Variants in SLC30A9 observed in about 807,000 individuals in gnomAD.
The protein encoded by SLC30A9 is proton-coupled zinc antiporter SLC30A9, mitochondrial.
In SLC30A9, 58 loss-of-function variants were observed where a neutral mutation model predicts 87.5. That is an observed-to-expected ratio of 0.66 (90% CI 0.54 to 0.82). The LOEUF is 0.82. SLC30A9 is among the 40% of genes least tolerant of loss of function. The pLI is 0.00. For missense variants in SLC30A9, 557 were observed against 679.1 expected, an observed-to-expected ratio of 0.82 and a Z score of 2.00; for synonymous variants, 234 against 233.0, an observed-to-expected ratio of 1.00 and a Z score of -0.04.
chr4:42,076,224 A>G (rs6447123), intron 16 of SLC30A9, among the ~76,000 whole-genome samples: 38,069 of 152,046 alleles, frequency 0.25, 7,018 homozygotes, highest in African/African-American at 0.53. Flanking sequence ...AACAGAATAT[A>G]ATGAACAGCA....
At chr4:42,028,831 T>G (rs1459737598) in intron 6 of SLC30A9, among the ~76,000 whole-genome samples, 1 of 152,202 alleles carries the variant, frequency 6.6e-6, no homozygotes, top group Non-Finnish European at 1.5e-5. Context: ...TTTTTCTGAA[T>G]AAGAAGACCC....
rs1357439659 is a variant in SLC30A9, at chr4:42,060,333, G to T, written c.896+87G>T. The stretch of plus-strand genomic sequence containing the variant: ...ATATCAGAAATCTCCTGCAATTTAT[G>T]TACCTGCAGTTTGTTCAAGATTTGG... On this transcript the variant is annotated intron_variant, in intron 10 of 17. Coordinates refer to ENST00000264451, the MANE Select transcript of SLC30A9 (RefSeq NM_006345.4). 3 of 988,866 alleles carry T rather than the reference G, an allele frequency of 3.0e-6. No homozygotes were observed. The African/African-American group carries it at 4.8e-5, about 16-fold the overall frequency. The allele number at this position is 988,866 out of a possible 1,614,324, so 61.3% of individuals were successfully genotyped here.
chr4:42,068,332 C>T (rs958734284), intron 14 of SLC30A9, among the ~76,000 whole-genome samples: 1 of 152,086 alleles, frequency 6.6e-6, no homozygotes, highest in Non-Finnish European at 1.5e-5. Context: ...CAACCTCCAC[C>T]TCCCAGGTTC....
chr4:41,995,559 C>A (rs1241620500), intron 1 of SLC30A9, among the ~76,000 whole-genome samples: 1 of 152,106 alleles, frequency 6.6e-6, no homozygotes, highest in Non-Finnish European at 1.5e-5. Context: ...TGGGCTATTT[C>A]ATTCGATAAG....
chr4:42,037,239 CTTTTTTTTTTTTT>C lies in SLC30A9; in HGVS notation c.670-1725_670-1713del, dbSNP rs536795831. Among the ~76,000 whole-genome samples, 31 of 91,220 alleles carry C rather than the reference CTTTTTTTTTTTTT, an allele frequency of 3.4e-4. No homozygotes were observed. The East Asian group carries it at 3.6e-3, about 11-fold the overall frequency. 59.8% of individuals were successfully genotyped at this position (91,220 alleles called of 152,430 possible). A position where few individuals can be genotyped will look rare whatever the true frequency, so the allele number is the denominator to read the frequency against. ...CCTGTTTGCAAAAATTAAATGCCTT[CTTTTTTTTTTTTT>C]TTTTTTTTTTTTTTTTTTTTTGTTA... On this transcript the variant is annotated intron_variant, in intron 7 of 17. Transcript: ENST00000264451.
chr4:42,032,788 C>A (rs1184948884), intron 6 of SLC30A9, among the ~76,000 whole-genome samples: 1 of 152,196 alleles, frequency 6.6e-6, no homozygotes, highest in African/African-American at 2.4e-5. Flanking sequence ...AGTATCATGG[C>A]GTCCTTACTT....
At chr4:42,003,161 TTGTATTTAA>T (rs1402458045) in intron 2 of SLC30A9, among the ~76,000 whole-genome samples, 1 of 152,200 alleles carries the variant, frequency 6.6e-6, no homozygotes, top group East Asian at 1.9e-4. Context: ...GTTTATCTTT[TTGTATTTAA>T]TGTATTTCAC....
chr4:42,084,512 G>A (rs1316689798), intron 17 of SLC30A9, among the ~76,000 whole-genome samples: 2 of 150,600 alleles, frequency 1.3e-5, no homozygotes, highest in African/African-American at 2.4e-5. Context: ...CCGCTCTGTC[G>A]CCAGGCTGGA....
intron 6 of SLC30A9, among the ~76,000 whole-genome samples, chr4:42,024,542 G>C (rs1716107406): frequency 6.6e-6 from 1 of 152,082 alleles, no homozygotes; most frequent in Non-Finnish European, 1.5e-5. Flanking sequence ...TTTAACGTGA[G>C]ATAATTGTGA....
intron 8 of SLC30A9, among the ~76,000 whole-genome samples, chr4:42,045,767 A>C (rs34374074): frequency 0.65 from 98,341 of 150,962 alleles, 36,459 homozygotes; most frequent in East Asian, 0.96. Context: ...GAGACACACA[A>C]AAAAAAGAAA....
chr4:42,022,797 T>C, intron 4 of SLC30A9, 41 bp from the exon 5 acceptor site: 2 of 1,173,602 alleles, frequency 1.7e-6, no homozygotes, highest in South Asian at 1.4e-5. Flanking sequence ...ATAAACTATA[T>C]GCACTTTGTC....
chr4:41,997,809 T>G lies in SLC30A9; in HGVS notation c.110-3807T>G, dbSNP rs1442051911. 1.3e-5 allele frequency among the ~76,000 whole-genome samples: 2 copies of G among 152,210 alleles called. 1 individual carries two copies. On this transcript the variant is annotated intron_variant, in intron 1 of 17. Transcript: ENST00000264451. ...AAGGTTATATAACCTCTTAGTAACCTCTTTAACAGTTATTTAGCTTTCATA... is the reference window on the plus strand; with the variant it reads ...AAGGTTATATAACCTCTTAGTAACCGCTTTAACAGTTATTTAGCTTTCATA...
chr4:42,059,465 G>C (rs1252692703), intron 9 of SLC30A9, among the ~76,000 whole-genome samples: 2 of 152,230 alleles, frequency 1.3e-5, no homozygotes, highest in East Asian at 3.9e-4. Flanking sequence ...AGGAAGAAAT[G>C]ATGAAGGCAA....
At chr4:41,993,671 T>G (rs1356441933) in intron 1 of SLC30A9, among the ~76,000 whole-genome samples, 1 of 152,188 alleles carries the variant, frequency 6.6e-6, no homozygotes, top group Non-Finnish European at 1.5e-5. Context: ...AAACGGTTTA[T>G]GCCCTCTGAC....
Position 42,001,803 on chromosome 4 carries a change from A to G in SLC30A9, c.274+23A>G, listed in dbSNP as rs190759985. 4.4e-3 allele frequency: 6,911 copies of G among 1,562,428 alleles called. 37 individuals are homozygous for G. The highest frequency in any genetic ancestry group is 4.1e-3 in the Non-Finnish European group (4,748 of 1,144,948). On this transcript the variant is annotated intron_variant, in intron 2 of 17. Transcript: ENST00000264451. ...CAGGTATGTGTAATTTTTTTAATGT[A>G]CTTTTTTCTGTATACTGGAATAGTT...
chr4:42,084,608 A>T (rs1449720079), intron 17 of SLC30A9, among the ~76,000 whole-genome samples: 1 of 152,038 alleles, frequency 6.6e-6, no homozygotes, highest in African/African-American at 2.4e-5. Context: ...AGTAGCTAGG[A>T]TTACAGGCAT....
At chr4:41,994,307 A>G (rs1190167530) in intron 1 of SLC30A9, among the ~76,000 whole-genome samples, 1 of 152,188 alleles carries the variant, frequency 6.6e-6, no homozygotes, top group African/African-American at 2.4e-5. Context: ...GTGTTTTACA[A>G]ATGATCTACA....
At chr4:42,038,648 GGT>G (rs1005340911) in intron 7 of SLC30A9, among the ~76,000 whole-genome samples, 15 of 152,172 alleles carry the variant, frequency 9.9e-5, no homozygotes, top group Non-Finnish European at 1.9e-4. Context: ...CAGAATTTTG[GGT>G]GTCTGATTTC....
At position 42,023,369 on chromosome 4, in the gene SLC30A9, A is replaced by C. The variant is rs1312674408; in HGVS notation, c.595A>C (p.Ile199Leu). The C allele has an allele frequency of 1.2e-6, 2 of 1,606,210 alleles. No homozygotes were observed. Among genetic ancestry groups the C allele is most frequent in the Admixed American group, 3.3e-5 (2 of 60,014 alleles). ...REKKLRKEAEIEYRERLFRNQ... is the reference protein window; with the variant it reads ...REKKLRKEAELEYRERLFRNQ... Reference sequence around the variant, plus strand: ...GAAAAAATTGCGTAAGGAAGCAGAAATAGAATACAGAGAAAGTAAGTATAT... The same window carrying C: ...GAAAAAATTGCGTAAGGAAGCAGAACTAGAATACAGAGAAAGTAAGTATAT... The change falls in exon 6 of 18, where the codon ATA (isoleucine) becomes CTA (leucine). Residue 199 changes from isoleucine to leucine, a missense_variant. Around this residue, in one of 2 missense-constraint regions of SLC30A9, gnomAD observed 467 missense variants for 529.8 expected, o/e 0.88. Transcript: ENST00000264451.
Sources: gnomAD v4.1 joint callset for allele counts (sites outside exome capture counted in the v4.1 genomes callset) on GRCh38, gnomAD v4.1.1 for gene constraint, gnomAD v4.1.1 regional missense constraint, MANE v1.5 for transcripts, NCBI Gene and HGNC (gene_info 2026-07-23, HGNC 2026-07-21) for gene names.